BABAM2: variants seen among roughly 807,000 people sequenced by gnomAD.
BABAM2 encodes the protein BRISC and BRCA1 A complex member 2, also known as BRISC and BRCA1-A complex member 2.
BABAM2 carries 31 observed loss-of-function variants against 54.7 expected under a neutral mutation model. The ratio of observed to expected loss-of-function variants is 0.57; its 90% CI spans 0.43 to 0.77. The LOEUF is 0.77. BABAM2 is among the 30% of genes least tolerant of loss of function. BABAM2 has a pLI of 0.00. For synonymous variants in BABAM2, 167 were observed against 162.9 expected (o/e 1.03, Z -0.19); for missense variants, 364 against 455.8 (o/e 0.80, Z 1.83).
At chr2:28,202,271 T>C (rs1324990637) in intron 7 of BABAM2, among the ~76,000 whole-genome samples, 1 of 152,182 alleles carries the variant, frequency 6.6e-6, no homozygotes, top group East Asian at 1.9e-4. Context: ...TGGATTATTT[T>C]AGCCTTGCTC....
intron 1 of BABAM2, among the ~76,000 whole-genome samples, chr2:27,892,737 A>T (rs531916440): frequency 6.6e-6 from 1 of 152,310 alleles, no homozygotes; most frequent in South Asian, 2.1e-4. Context: ...TAAAATGTTT[A>T]AAAAAGTACA....
chr2:28,111,014 G>A, intron 6 of BABAM2, among the ~76,000 whole-genome samples: 1 of 150,280 alleles, frequency 6.7e-6, no homozygotes, highest in Non-Finnish European at 1.5e-5. Context: ...TGTCACCCAG[G>A]CTGGAGTGCA....
chr2:28,273,725 A>G (rs1274651834), intron 10 of BABAM2, among the ~76,000 whole-genome samples: 1 of 152,174 alleles, frequency 6.6e-6, no homozygotes, highest in Non-Finnish European at 1.5e-5. Flanking sequence ...TCCAAAAAAA[A>G]TAAAAAATAA....
chr2:28,102,405 A>G (rs1026969253), intron 6 of BABAM2, among the ~76,000 whole-genome samples: 1 of 152,152 alleles, frequency 6.6e-6, no homozygotes, highest in Non-Finnish European at 1.5e-5. Flanking sequence ...ACATTTTAAT[A>G]CCATTTAAGA....
intron 4 of BABAM2, chr2:28,015,834 T>C: frequency 1.1e-6 from 1 of 889,258 alleles, no homozygotes; most frequent in South Asian, 1.4e-5. Context: ...TGTTTTTTTC[T>C]GTTGCTTTTT....
chr2:27,912,470 A>G (rs1475002981), intron 2 of BABAM2, among the ~76,000 whole-genome samples: 2 of 152,162 alleles, frequency 1.3e-5, no homozygotes, highest in Non-Finnish European at 2.9e-5. Flanking sequence ...TGTTTATTAT[A>G]TCTATCTTTG....
chr2:28,322,591 A>C lies in BABAM2; in HGVS notation c.1089-15859A>C, dbSNP rs143180961. Among the ~76,000 whole-genome samples, 2 of 152,356 alleles carry C rather than the reference A, an allele frequency of 1.3e-5. No individual in the cohort carries two copies. Among genetic ancestry groups the C allele is most frequent in the Non-Finnish European group, 2.9e-5 (2 of 68,024 alleles). On this transcript the variant is annotated intron_variant, in intron 11 of 11. Transcript: ENST00000379624. The surrounding 1 kb of genome is among the most constrained non-coding windows in gnomAD (Gnocchi z 4.1). Reference sequence around the variant, plus strand: ...CGCCCAACAGCAAGGTTCTCTGGTTAGCACCAAATGAGTGGCTCAACAGTT... The same window carrying C: ...CGCCCAACAGCAAGGTTCTCTGGTTCGCACCAAATGAGTGGCTCAACAGTT...
intron 9 of BABAM2, among the ~76,000 whole-genome samples, chr2:28,241,783 A>C (rs372830652): frequency 5.3e-5 from 8 of 150,550 alleles, no homozygotes; most frequent in African/African-American, 4.9e-5. Context: ...GTGAGCCACC[A>C]CACCCAGCCC....
intron 11 of BABAM2, among the ~76,000 whole-genome samples, chr2:28,298,708 G>A (rs1687889423): frequency 6.6e-6 from 1 of 152,188 alleles, no homozygotes; most frequent in African/African-American, 2.4e-5. Context: ...AGACTGGATG[G>A]CCTAGAAAAC....
rs971296331 is a variant in BABAM2 at position 28,281,440 on chromosome 2, G to A, written c.935-16898G>A. On this transcript the variant is annotated intron_variant, in intron 10 of 11. Coordinates refer to ENST00000379624, the MANE Select transcript of BABAM2 (RefSeq NM_199191.3). ...CATTCCCATTCTGTTTATCCATGGCGGAAGTAAATGTGACCCCCCCGAGCC... is the reference window on the plus strand; with the variant it reads ...CATTCCCATTCTGTTTATCCATGGCAGAAGTAAATGTGACCCCCCCGAGCC... Among the ~76,000 whole-genome samples, 4 of 152,204 alleles carry A rather than the reference G, an allele frequency of 2.6e-5. No homozygotes were observed. In the East Asian group the frequency reaches 5.8e-4, roughly 22 times the overall value.
At chr2:27,933,979 A>G (rs938399073) in intron 3 of BABAM2, among the ~76,000 whole-genome samples, 8 of 149,580 alleles carry the variant, frequency 5.3e-5, no homozygotes, top group African/African-American at 7.6e-5. Context: ...AGTCCCTGAT[A>G]TAAAAGGGCA....
chr2:28,315,421 T>TTTTTCTTTTCTTTTC (rs3032180), intron 11 of BABAM2, among the ~76,000 whole-genome samples: 2,502 of 110,160 alleles, frequency 0.023, 88 homozygotes, highest in South Asian at 0.031. Flanking sequence ...GTGTGGTTCT[T>TTTTTCTTTTCTTTTC]TTTTCTTTTC....
intron 3 of BABAM2, among the ~76,000 whole-genome samples, chr2:27,979,289 C>A (rs1671832672): frequency 6.6e-6 from 1 of 151,924 alleles, no homozygotes; most frequent in Non-Finnish European, 1.5e-5. Context: ...CTGCCTCAGC[C>A]TCACAAAGTG....
chr2:27,923,553 G>A (rs1478748083), intron 2 of BABAM2, among the ~76,000 whole-genome samples: 1 of 152,180 alleles, frequency 6.6e-6, no homozygotes, highest in Non-Finnish European at 1.5e-5. Context: ...AGATGTTCAA[G>A]GCTGCAGTGA....
At chr2:27,997,096 ATAAT>A (rs577200968) in intron 4 of BABAM2, among the ~76,000 whole-genome samples, 37 of 152,330 alleles carry the variant, frequency 2.4e-4, no homozygotes, top group African/African-American at 7.5e-4. Flanking sequence ...AAATTAATCA[ATAAT>A]TAATAAAAAT....
At chr2:27,889,372 A>G (rs1313188774), upstream of BABAM2, among the ~76,000 whole-genome samples, 8 of 152,214 alleles carry the variant, frequency 5.3e-5, no homozygotes, top group Admixed American at 4.6e-4. Context: ...ATACCTGATC[A>G]TTTTTATAAC....
intron 2 of BABAM2, chr2:27,895,155 AT>A (rs59917570): frequency 3.3e-5 from 5 of 151,296 alleles, no homozygotes; most frequent in Non-Finnish European, 4.4e-5. Flanking sequence ...TAAAAAACAG[AT>A]TTTTTTTTTC....
At chr2:28,035,881 T>C (rs1676623538) in intron 5 of BABAM2, among the ~76,000 whole-genome samples, 1 of 152,210 alleles carries the variant, frequency 6.6e-6, no homozygotes, top group Non-Finnish European at 1.5e-5. Context: ...TGTTACTGTT[T>C]TTTAAATAGT....
intron 3 of BABAM2, among the ~76,000 whole-genome samples, chr2:27,939,812 T>TAATGAG (rs1230639637): frequency 2.4e-4 from 36 of 152,174 alleles, no homozygotes; most frequent in African/African-American, 8.4e-4. Context: ...AAACTGCAGT[T>TAATGAG]AATGAGAATG....
Sources: gnomAD v4.1 joint callset for allele counts (sites outside exome capture counted in the v4.1 genomes callset) on GRCh38, gnomAD v4.1.1 for gene constraint, Gnocchi (gnomAD v3.1) non-coding constraint, MANE v1.5 for transcripts, NCBI Gene and HGNC (gene_info 2026-07-23, HGNC 2026-07-21) for gene names.